The following ROBO1 variants were observed in gnomAD, a reference collection of about 807,000 sequenced individuals.
ROBO1 encodes roundabout guidance receptor 1.
Under a neutral mutation model 195.9 loss-of-function variants are expected in ROBO1, and 149 were observed. The observed-to-expected ratio is 0.76, with a 90% CI of 0.67 to 0.87. The LOEUF is 0.87. Ranked by LOEUF, ROBO1 falls within the 40% of genes least tolerant of loss-of-function variation. ROBO1 has a pLI of 0.00. For missense variants in ROBO1, 1,933 were observed against 2,068.3 expected (o/e 0.93, Z 1.27); for synonymous variants, 816 against 733.2 (o/e 1.11, Z -1.82).
At chr3:79,361,521 T>TGCA (rs2035769841) in intron 2 of ROBO1, among the ~76,000 whole-genome samples, 1 of 148,546 alleles carries the variant, frequency 6.7e-6, no homozygotes, top group African/African-American at 2.6e-5. Flanking sequence ...TTAATACCAT[T>TGCA]AAATAACGAT....
chr3:78,945,614 C>T (rs1334307738), intron 3 of ROBO1, among the ~76,000 whole-genome samples: 1 of 152,156 alleles, frequency 6.6e-6, no homozygotes, highest in Non-Finnish European at 1.5e-5. Flanking sequence ...CAGAGCGCCT[C>T]TCCTCCTCCA....
chr3:78,945,972 A>G (rs1192313821), intron 3 of ROBO1, among the ~76,000 whole-genome samples: 1 of 152,034 alleles, frequency 6.6e-6, no homozygotes, highest in Non-Finnish European at 1.5e-5. Context: ...TTAGAGAAAA[A>G]AAAAAAATAA....
intron 2 of ROBO1, among the ~76,000 whole-genome samples, chr3:79,390,875 C>T (rs374308693): frequency 7.2e-5 from 11 of 152,044 alleles, no homozygotes; most frequent in East Asian, 3.9e-4. Flanking sequence ...AATGAGAGCA[C>T]GGTAACTGAA....
Position 79,458,144 on chromosome 3 carries a change from T to C in ROBO1, c.88+131680A>G, listed in dbSNP as rs569919251. Among the ~76,000 whole-genome samples the C allele has an allele frequency of 1.1e-3, 175 of 152,198 alleles. 5 individuals carry two copies. The South Asian group carries it at 0.035, about 30-fold the overall frequency. On this transcript the variant is annotated intron_variant, in intron 2 of 30. Coordinates refer to ENST00000464233, the MANE Select transcript of ROBO1 (RefSeq NM_002941.4). The stretch of plus-strand genomic sequence containing the variant: ...TAGCAAGAAAAAAAAATGTTGATTA[T>C]GCCTAGAAGATGAAATAAAGGGGAG...
intron 2 of ROBO1, among the ~76,000 whole-genome samples, chr3:79,428,687 T>G (rs1453886339): frequency 6.6e-6 from 1 of 152,132 alleles, no homozygotes; most frequent in Non-Finnish European, 1.5e-5. Flanking sequence ...TTATATCAGC[T>G]TTATTCATAA....
chr3:79,689,477 C>A (rs998348145), intron 1 of ROBO1, among the ~76,000 whole-genome samples: 1 of 151,764 alleles, frequency 6.6e-6, no homozygotes, highest in East Asian at 1.9e-4. Context: ...TTTTGCTATA[C>A]GAGGCTGCTT....
intron 2 of ROBO1, among the ~76,000 whole-genome samples, chr3:79,300,678 C>T (rs1221468656): frequency 2.0e-5 from 3 of 152,188 alleles, no homozygotes; most frequent in Non-Finnish European, 4.4e-5. Context: ...CAGCTGGGCT[C>T]CTGAGTCTGG....
At chr3:79,321,529 C>T (rs2033980269) in intron 2 of ROBO1, among the ~76,000 whole-genome samples, 1 of 152,116 alleles carries the variant, frequency 6.6e-6, no homozygotes. Context: ...AGTTCCTTTT[C>T]CTCTTCGTCA....
At chr3:79,748,873 C>G (rs988006975) in intron 1 of ROBO1, among the ~76,000 whole-genome samples, 17 of 152,086 alleles carry the variant, frequency 1.1e-4, no homozygotes, top group Admixed American at 7.9e-4. Flanking sequence ...CTTTTTCTTC[C>G]CAGTCTCAGG....
chr3:79,419,743 A>T (rs1322042085), intron 2 of ROBO1, among the ~76,000 whole-genome samples: 1 of 152,084 alleles, frequency 6.6e-6, no homozygotes, highest in Non-Finnish European at 1.5e-5. Context: ...CTAGACATAA[A>T]ACATAAGCCA....
In ROBO1 at chr3:79,077,512, T is replaced by C. The variant is rs1349798325; in HGVS notation, c.172+47944A>G. 1.3e-5 allele frequency among the ~76,000 whole-genome samples: 2 copies of C among 151,876 alleles called. 1 individual carries two copies. Among genetic ancestry groups the C allele is most frequent in the East Asian group, 3.9e-4 (2 of 5,168 alleles). On this transcript the variant is annotated intron_variant, in intron 3 of 30. Transcript: ENST00000464233. Reference sequence around the variant, plus strand: ...TTAGCAATAAATACAGTGTTTGCTATCAGAGAAATATAATTTTAGTAATTG... The same window carrying C: ...TTAGCAATAAATACAGTGTTTGCTACCAGAGAAATATAATTTTAGTAATTG...
Position 78,614,604 on chromosome 3 carries a change from T to C in ROBO1, c.4435+44A>G, listed in dbSNP as rs781465755. 1.9e-6 allele frequency: 3 copies of C among 1,602,492 alleles called. 1 individual carries two copies. In the South Asian group the frequency reaches 3.3e-5, roughly 18 times the overall value. ...GCTAGTCCTAGAGAGGCAGGGTAAATAGGCGAGATTCATAGACGTTTTCAT... is the reference window on the plus strand; with the variant it reads ...GCTAGTCCTAGAGAGGCAGGGTAAACAGGCGAGATTCATAGACGTTTTCAT... On this transcript the variant is annotated intron_variant, in intron 28 of 30. Coordinates refer to ENST00000464233, the MANE Select transcript of ROBO1 (RefSeq NM_002941.4).
chr3:79,053,898 C>G (rs1020610972), intron 3 of ROBO1, among the ~76,000 whole-genome samples: 1 of 152,116 alleles, frequency 6.6e-6, no homozygotes, highest in South Asian at 2.1e-4. Flanking sequence ...ATAAATGTGT[C>G]ATTATGTACC....
At chr3:79,585,617 G>T (rs945344136) in intron 2 of ROBO1, among the ~76,000 whole-genome samples, 5 of 151,920 alleles carry the variant, frequency 3.3e-5, no homozygotes, top group African/African-American at 1.2e-4. Context: ...ATGGAAATCT[G>T]TCCTCAGAGA....
intron 2 of ROBO1, among the ~76,000 whole-genome samples, chr3:79,261,761 T>G (rs2082941977): frequency 6.6e-6 from 1 of 152,036 alleles, no homozygotes; most frequent in Admixed American, 6.6e-5. Context: ...GTTTCAGATC[T>G]AAAAAAGAGT....
chr3:78,933,238 A>T (rs1201076226), intron 4 of ROBO1, among the ~76,000 whole-genome samples: 3 of 152,080 alleles, frequency 2.0e-5, no homozygotes, highest in Non-Finnish European at 4.4e-5. Context: ...TTGAAACTCA[A>T]ATCTTCTCTT....
chr3:79,378,031 C>A (rs1156419995), intron 2 of ROBO1, among the ~76,000 whole-genome samples: 1 of 152,104 alleles, frequency 6.6e-6, no homozygotes, highest in Non-Finnish European at 1.5e-5. Context: ...CCTCTGCCCC[C>A]ACCACTGTCC....
chr3:78,667,500 T>C (rs1345318292), intron 14 of ROBO1, among the ~76,000 whole-genome samples: 3 of 152,044 alleles, frequency 2.0e-5, no homozygotes, highest in Non-Finnish European at 4.4e-5. Context: ...CTAGATCTTA[T>C]TCATTAGATC....
At chr3:78,831,165 C>A (rs1276626071) in intron 4 of ROBO1, among the ~76,000 whole-genome samples, 1 of 152,052 alleles carries the variant, frequency 6.6e-6, no homozygotes, top group East Asian at 1.9e-4. Context: ...CCCGCCTCAG[C>A]CTCCCAAAGT....
Sources: allele counts gnomAD v4.1 joint callset (sites outside exome capture counted in the v4.1 genomes callset), GRCh38; gene constraint gnomAD v4.1.1; transcripts MANE v1.5; gene names NCBI Gene and HGNC (gene_info 2026-07-23, HGNC 2026-07-21).